Variants in GNPTAB observed in about 807,000 individuals in gnomAD.
GNPTAB encodes the protein N-acetylglucosamine-1-phosphate transferase subunits alpha and beta.
In GNPTAB, 92 loss-of-function variants were observed where a neutral mutation model predicts 136.6. That is an observed-to-expected ratio of 0.67 (90% CI 0.57 to 0.80). The LOEUF (loss-of-function observed/expected upper bound fraction) is 0.80. GNPTAB is among the 30% of genes least tolerant of loss of function. The probability of loss-of-function intolerance (pLI) is 0.00; values close to 1 mark genes in which losing one functional copy is unlikely to be tolerated. For missense variants in GNPTAB, 1,343 were observed against 1,501.8 expected, an observed-to-expected ratio of 0.89 and a Z score of 1.75; for synonymous variants, 512 against 535.1, an observed-to-expected ratio of 0.96 and a Z score of 0.60.
chr12:101,752,218 G>A (rs551217537), intron 19 of GNPTAB, among the ~76,000 whole-genome samples: 1 of 152,278 alleles, frequency 6.6e-6, no homozygotes, highest in African/African-American at 2.4e-5. Context: ...GAGCCAAGGA[G>A]TTTGAGACCA....
At chr12:101,813,299 T>C (rs1456600483) in intron 1 of GNPTAB, among the ~76,000 whole-genome samples, 2 of 152,194 alleles carry the variant, frequency 1.3e-5, no homozygotes, top group African/African-American at 4.8e-5. Context: ...CAGGTGGAGT[T>C]TGCTGCTCCA....
At chr12:101,761,492 G>A in intron 14 of GNPTAB, 72 bp downstream of exon 14, 1 of 1,472,968 alleles carries the variant, frequency 6.8e-7, no homozygotes, top group South Asian at 1.1e-5. Context: ...AATTTAGCAT[G>A]GTAAATATGC....
chr12:101,775,231 C>A (rs1953244548), intron 7 of GNPTAB, among the ~76,000 whole-genome samples: 1 of 152,198 alleles, frequency 6.6e-6, no homozygotes, highest in African/African-American at 2.4e-5. Flanking sequence ...AATCTACTTT[C>A]ATTTTGGATT....
intron 7 of GNPTAB, among the ~76,000 whole-genome samples, chr12:101,772,478 A>C (rs1271601707): frequency 6.6e-6 from 1 of 152,216 alleles, no homozygotes; most frequent in Non-Finnish European, 1.5e-5. Flanking sequence ...GATGTAGGCC[A>C]TTAACTCTTC....
At position 101,788,548 on chromosome 12, in the gene GNPTAB, C is replaced by G; in HGVS notation, c.365G>C (p.Ser122Thr). Reference sequence around the variant, plus strand: ...CTTGAGAGGAAATCAAAATGCTTACCTCTTCTTAGTAGGTTCCGTTGTGTT... The same window carrying G: ...CTTGAGAGGAAATCAAAATGCTTACGTCTTCTTAGTAGGTTCCGTTGTGTT... ...GKNTTEPTKK[S>T]EKQLECLLTH... Residue 122 changes from serine (S) to threonine (T), a missense_variant and splice_region_variant, in exon 4 of 21, where the codon AGT becomes ACT. Physicochemically the swap from Ser to Thr is moderately conservative, Grantham distance 58. Coordinates refer to ENST00000299314, the MANE Select transcript of GNPTAB (RefSeq NM_024312.5). The G allele has an allele frequency of 6.5e-7, 1 of 1,548,806 alleles. No individual in the cohort carries two copies. Among genetic ancestry groups the G allele is most frequent in the South Asian group, 1.1e-5 (1 of 89,626 alleles).
chr12:101,802,665 T>C (rs935774143), intron 1 of GNPTAB, among the ~76,000 whole-genome samples: 4 of 152,210 alleles, frequency 2.6e-5, no homozygotes, highest in Non-Finnish European at 5.9e-5. Context: ...AAGAACCTAA[T>C]GTACAACTAT....
chr12:101,818,690 G>C (rs932145318), intron 1 of GNPTAB, among the ~76,000 whole-genome samples: 12 of 152,040 alleles, frequency 7.9e-5, no homozygotes, highest in African/African-American at 1.4e-4. Flanking sequence ...TGTGTCTTTA[G>C]TCAACAGTAG....
intron 1 of GNPTAB, among the ~76,000 whole-genome samples, chr12:101,810,924 T>C (rs558628239): frequency 6.6e-6 from 1 of 152,274 alleles, no homozygotes; most frequent in African/African-American, 2.4e-5. Context: ...ACAAAGCTCC[T>C]AAGGCAAGAA....
intron 1 of GNPTAB, among the ~76,000 whole-genome samples, chr12:101,801,502 T>G (rs1026943667): frequency 1.7e-5 from 2 of 119,586 alleles, no homozygotes; most frequent in Admixed American, 2.4e-4. Flanking sequence ...ACTGTGCCAC[T>G]GCACTCTAGC....
At chr12:101,808,872 C>T (rs141210877) in intron 1 of GNPTAB, among the ~76,000 whole-genome samples, 49 of 152,114 alleles carry the variant, frequency 3.2e-4, no homozygotes, top group African/African-American at 9.9e-4. Context: ...TGCCTGAACC[C>T]GGGAGGCGGA....
At chr12:101,787,558 C>T (rs946943044) in intron 4 of GNPTAB, among the ~76,000 whole-genome samples, 1 of 151,986 alleles carries the variant, frequency 6.6e-6, no homozygotes, top group Non-Finnish European at 1.5e-5. Context: ...ATTTAAAAAA[C>T]AGTATTAATG....
intron 1 of GNPTAB, among the ~76,000 whole-genome samples, chr12:101,814,218 G>A (rs988369131): frequency 2.0e-5 from 3 of 151,970 alleles, no homozygotes; most frequent in Admixed American, 1.3e-4. Context: ...AGAATCACTT[G>A]AACACAGGAG....
intron 18 of GNPTAB, 185 bp downstream of exon 18, chr12:101,757,027 C>T: frequency 1.8e-6 from 1 of 556,270 alleles, no homozygotes; most frequent in Admixed American, 3.3e-5. Flanking sequence ...TCAGGCTCAT[C>T]CCTCTGCATG....
At chr12:101,770,900 C>G in intron 8 of GNPTAB, 96 bp downstream of exon 8, 1 of 1,231,028 alleles carries the variant, frequency 8.1e-7, no homozygotes, top group Non-Finnish European at 1.2e-6. Flanking sequence ...ACTCACCTCT[C>G]TGTAAGTCCC....
chr12:101,826,584 C>T (rs1461457341), intron 1 of GNPTAB, among the ~76,000 whole-genome samples: 1 of 151,342 alleles, frequency 6.6e-6, no homozygotes, highest in Non-Finnish European at 1.5e-5. Flanking sequence ...ACTTGACCTG[C>T]CCTGTACTTA....
intron 16 of GNPTAB, 88 bp downstream of exon 16, chr12:101,759,942 G>A (rs957323657): frequency 1.2e-6 from 1 of 820,270 alleles, no homozygotes; most frequent in African/African-American, 1.7e-5. Flanking sequence ...CCTGCTGCTA[G>A]TTCTGAAGTG....
intron 20 of GNPTAB, among the ~76,000 whole-genome samples, chr12:101,748,434 T>C (rs1566064964): frequency 6.6e-6 from 1 of 152,196 alleles, no homozygotes; most frequent in African/African-American, 2.4e-5. Flanking sequence ...CCCATTCCCC[T>C]CCTTCAATCC....
Position 101,830,806 on chromosome 12 carries a change from C to A in GNPTAB, c.-131G>T, listed in dbSNP as rs1164110339. On this transcript the variant is annotated 5_prime_UTR_variant, in exon 1 of 21. An upstream start codon of the reference 5' UTR is lost. Coordinates refer to ENST00000299314, the MANE Select transcript of GNPTAB (RefSeq NM_024312.5). ...CAGGTCACAGCCTCCGGGCGCCGCT[C>A]ATTGCAGCTCCGGCGACGGACGCCC... 3 of 332,382 alleles carry A rather than the reference C, an allele frequency of 9.0e-6. No individual in the cohort carries two copies. Among genetic ancestry groups the A allele is most frequent in the South Asian group, 7.2e-5 (1 of 13,978 alleles). 20.6% of individuals were successfully genotyped at this position (332,382 alleles called of 1,614,324 possible).
In GNPTAB at chr12:101,812,959, A is replaced by G. The variant is rs570120866; in HGVS notation, c.118-16197T>C. Among the ~76,000 whole-genome samples, 32 of 150,012 alleles carry G rather than the reference A, an allele frequency of 2.1e-4. 1 individual carries two copies. In the South Asian group the frequency reaches 6.3e-3, roughly 30 times the overall value. On this transcript the variant is annotated intron_variant, in intron 1 of 20. Transcript: ENST00000299314. ...GCTGGGACTACAAACATGTGCCACC[A>G]TGCCCAGCTAAGTGTTTTTTGTGTG...
Sources: allele counts gnomAD v4.1 joint callset (sites outside exome capture counted in the v4.1 genomes callset), GRCh38; gene constraint gnomAD v4.1.1; transcripts MANE v1.5; gene names NCBI Gene and HGNC (gene_info 2026-07-23, HGNC 2026-07-21).